The following AGO2 variants were observed in gnomAD, a reference collection of about 807,000 sequenced individuals.
AGO2 encodes the protein argonaute RISC catalytic component 2, also known as protein argonaute-2.
In AGO2, 5 loss-of-function variants were observed where a neutral mutation model predicts 102.3. The observed-to-expected ratio is 0.05, with a 90% CI of 0.03 to 0.10. The LOEUF is 0.10. Among genes scored for constraint, AGO2 ranks in the 10% least tolerant of loss-of-function variants. The pLI, the probability that AGO2 is intolerant of heterozygous loss-of-function variation, is 1.00. For missense variants in AGO2, 541 were observed against 1,183.7 expected, an observed-to-expected ratio of 0.46 and a Z score of 7.97; for synonymous variants, 449 against 473.1, an observed-to-expected ratio of 0.95 and a Z score of 0.66.
chr8:140,626,198 C>T (rs1291196467), intron 1 of AGO2, among the ~76,000 whole-genome samples: 3 of 152,166 alleles, frequency 2.0e-5, no homozygotes, highest in African/African-American at 7.2e-5. Flanking sequence ...TGTCGGGGTC[C>T]GGCGCACCTG....
At position 140,539,130 on chromosome 8, in the gene AGO2, G is replaced by T. The variant is rs1025876916; in HGVS notation, c.2169+190C>A. Among the ~76,000 whole-genome samples, 1 of 152,048 alleles carries T rather than the reference G, an allele frequency of 6.6e-6. No individual in the cohort carries two copies. The highest frequency in any genetic ancestry group is 2.4e-5 in the African/African-American group (1 of 41,400). ...AACCCTCCAAAACAACAACAAAAAA[G>T]CTTCACCAAATCAAGGACAGCCTTC... On this transcript the variant is annotated intron_variant, in intron 16 of 18. Transcript: ENST00000220592. This position sits in a 1 kb window ranked among gnomAD's most constrained non-coding sequence, Gnocchi z 4.7.
intron 14 of AGO2, among the ~76,000 whole-genome samples, chr8:140,542,885 T>A (rs1370454644): frequency 6.6e-6 from 1 of 152,088 alleles, no homozygotes; most frequent in Non-Finnish European, 1.5e-5. Context: ...ACGCCTGTCA[T>A]CCCAGCACTT....
In AGO2 at chr8:140,556,438, G is replaced by A. The variant is rs554050619; in HGVS notation, c.1027-152C>T. On this transcript the variant is annotated intron_variant, in intron 8 of 18. Transcript: ENST00000220592. ...AAGTGCTGTGCAGGTGTCTGCTGTG[G>A]GGGCTGCTCCACGGCCTTCCGCTTC... 241 of 992,586 alleles carry A rather than the reference G, an allele frequency of 2.4e-4. 1 individual carries two copies. In the African/African-American group the frequency reaches 3.6e-3, roughly 15 times the overall value. 61.5% of individuals were successfully genotyped at this position (992,586 alleles called of 1,614,324 possible). A position where few individuals can be genotyped will look rare whatever the true frequency, so the allele number is the denominator to read the frequency against.
intron 16 of AGO2, among the ~76,000 whole-genome samples, chr8:140,536,579 C>T (rs1410628189): frequency 6.6e-6 from 1 of 152,226 alleles, no homozygotes; most frequent in Non-Finnish European, 1.5e-5. Context: ...CCTGCCTCGG[C>T]CTCCCAAAGT....
chr8:140,533,134 A>T (rs1475327745), intron 17 of AGO2, among the ~76,000 whole-genome samples: 10 of 152,090 alleles, frequency 6.6e-5, no homozygotes, highest in African/African-American at 1.7e-4. Context: ...TCACACCTGT[A>T]ATCCCAGCAC....
At chr8:140,577,225 A>AAG (rs2073480698) in intron 2 of AGO2, among the ~76,000 whole-genome samples, 1 of 151,378 alleles carries the variant, frequency 6.6e-6, no homozygotes, top group African/African-American at 2.4e-5. Flanking sequence ...AAAAAAAAAA[A>AAG]AAAGAAACAT....
At chr8:140,590,501 A>C (rs1346872510) in intron 1 of AGO2, among the ~76,000 whole-genome samples, 1 of 152,210 alleles carries the variant, frequency 6.6e-6, no homozygotes, top group Admixed American at 6.5e-5. Flanking sequence ...TGGGGGTCCC[A>C]GGTTTCTGGC....
chr8:140,553,986 GCCGCAGCAC>G (rs2073051277), intron 10 of AGO2, among the ~76,000 whole-genome samples: 1 of 152,258 alleles, frequency 6.6e-6, no homozygotes, highest in Non-Finnish European at 1.5e-5. Flanking sequence ...ACAGGCATGA[GCCGCAGCAC>G]CCAGCCTACA....
At chr8:140,548,130 A>AC (rs2072933992) in intron 12 of AGO2, among the ~76,000 whole-genome samples, 1 of 152,176 alleles carries the variant, frequency 6.6e-6, no homozygotes, top group Admixed American at 6.5e-5. Flanking sequence ...AGCCTGGCCA[A>AC]CATGGCAAAA....
intron 2 of AGO2, among the ~76,000 whole-genome samples, chr8:140,577,009 C>T (rs576446089): frequency 8.2e-4 from 125 of 152,142 alleles, no homozygotes; most frequent in Non-Finnish European, 1.5e-3. Context: ...AGATCGAGAC[C>T]ACCCTGGCTA....
At chr8:140,571,855 C>T (rs1403976808) in intron 3 of AGO2, among the ~76,000 whole-genome samples, 1 of 152,210 alleles carries the variant, frequency 6.6e-6, no homozygotes, top group African/African-American at 2.4e-5. Flanking sequence ...AAGCGATTTT[C>T]CTGCCTTAGC....
rs553618816 is a variant in AGO2 at position 140,578,949 on chromosome 8, A to G, written c.216-6017T>C. ...CCTCTTTTACAAATGTCATCCTTTC[A>G]TTAATTTCTAATTACACAGCTTTTG... On this transcript the variant is annotated intron_variant, in intron 2 of 18. Transcript: ENST00000220592. Among the ~76,000 whole-genome samples, 3 of 152,366 alleles carry G rather than the reference A, an allele frequency of 2.0e-5. No homozygotes were observed. The South Asian group carries it at 6.2e-4, about 32-fold the overall frequency.
chr8:140,636,746 A>C (rs1352100781), upstream of AGO2: 3 of 152,226 alleles, frequency 2.0e-5, no homozygotes, highest in Non-Finnish European at 4.4e-5. Context: ...GTCTTCACCA[A>C]GTTGCCGATA....
chr8:140,595,839 GTA>G (rs1383000628), intron 1 of AGO2, among the ~76,000 whole-genome samples: 1 of 26,418 alleles, frequency 3.8e-5, no homozygotes, highest in East Asian at 7.2e-4. Context: ...ATATACAATT[GTA>G]TATATTATAT....
chr8:140,555,892 G>C lies in AGO2; in HGVS notation c.1269+4C>G, dbSNP rs75134171. The C allele has an allele frequency of 3.0e-5, 48 of 1,612,640 alleles. No homozygotes were observed. Among genetic ancestry groups the C allele is most frequent in the Non-Finnish European group, 4.1e-5 (48 of 1,179,590 alleles). Reference sequence around the variant, plus strand: ...CCACACGTTCCCCGCCGCCCCACACGTACCCTGCCCCCGTAGAGGATGGAG... The same window carrying C: ...CCACACGTTCCCCGCCGCCCCACACCTACCCTGCCCCCGTAGAGGATGGAG... On this transcript the variant is annotated splice_donor_region_variant and intron_variant, in intron 10 of 18. Transcript: ENST00000220592.
chr8:140,640,435 A>C (rs549538054), upstream of AGO2, among the ~76,000 whole-genome samples: 1 of 151,952 alleles, frequency 6.6e-6, no homozygotes, highest in African/African-American at 2.4e-5. Context: ...TTTAACTCTG[A>C]ATCTAGTTCC....
At chr8:140,640,927 CA>C in the AGO2 span, among the ~76,000 whole-genome samples, 546 of 151,624 alleles carry the variant, frequency 3.6e-3, 3 homozygotes, top group Non-Finnish European at 5.7e-3. Context: ...GCATCTTCTA[CA>C]AAGTCCTTGG....
intron 2 of AGO2, among the ~76,000 whole-genome samples, chr8:140,573,976 A>G (rs899666758): frequency 6.6e-6 from 1 of 152,162 alleles, no homozygotes; most frequent in Non-Finnish European, 1.5e-5. Flanking sequence ...ACCTCAGCCC[A>G]CTTGCAGAGC....
At position 140,627,684 on chromosome 8, in the gene AGO2, G is replaced by A. The variant is rs929053618; in HGVS notation, c.22+7801C>T. On this transcript the variant is annotated intron_variant, in intron 1 of 18. Transcript: ENST00000220592. ...AGGTCCTTAAAAACAGGTATTGGCCGATTTGCATTGCATTTACTGAAGCCC... is the reference window on the plus strand; with the variant it reads ...AGGTCCTTAAAAACAGGTATTGGCCAATTTGCATTGCATTTACTGAAGCCC... Among the ~76,000 whole-genome samples, 4 of 152,140 alleles carry A rather than the reference G, an allele frequency of 2.6e-5. No individual in the cohort carries two copies. The East Asian group carries it at 5.8e-4, about 22-fold the overall frequency.
Sources: allele counts gnomAD v4.1 joint callset (sites outside exome capture counted in the v4.1 genomes callset), GRCh38; gene constraint gnomAD v4.1.1; non-coding constraint Gnocchi (gnomAD v3.1); transcripts MANE v1.5; gene names NCBI Gene and HGNC (gene_info 2026-07-23, HGNC 2026-07-21).